ADGRB3: variants seen among roughly 807,000 people sequenced by gnomAD.
The protein encoded by ADGRB3 is adhesion G protein-coupled receptor B3, also known as brain-specific angiogenesis inhibitor 3.
ADGRB3 carries 37 observed loss-of-function variants against 193.4 expected under a neutral mutation model. That is an observed-to-expected ratio of 0.19 (90% CI 0.15 to 0.25). The LOEUF is 0.25. ADGRB3 is among the 10% of genes least tolerant of loss of function. The probability of loss-of-function intolerance (pLI) is 1.00; values close to 1 mark genes in which losing one functional copy is unlikely to be tolerated. For synonymous variants in ADGRB3, 690 were observed against 644.2 expected (o/e 1.07, Z -1.08); for missense variants, 1,637 against 1,852.9 (o/e 0.88, Z 2.14).
At chr6:68,894,755 C>T (rs1002768917) in intron 3 of ADGRB3, among the ~76,000 whole-genome samples, 5 of 151,904 alleles carry the variant, frequency 3.3e-5, no homozygotes, top group Middle Eastern at 3.2e-3. Flanking sequence ...AAGGAACATG[C>T]GGTGAGCCCA....
At chr6:69,129,562 GAC>G (rs1475794324) in intron 17 of ADGRB3, among the ~76,000 whole-genome samples, 1 of 152,052 alleles carries the variant, frequency 6.6e-6, no homozygotes, top group Non-Finnish European at 1.5e-5. Context: ...TAAGTCAATG[GAC>G]TGGGAAGAAT....
chr6:68,661,511 G>A (rs796942367), intron 3 of ADGRB3, among the ~76,000 whole-genome samples: 3 of 64,332 alleles, frequency 4.7e-5, no homozygotes, highest in East Asian at 4.3e-4. Context: ...ACATATATAT[G>A]TGTGTATACA....
intron 20 of ADGRB3, among the ~76,000 whole-genome samples, chr6:69,270,372 G>T (rs1453794109): frequency 1.3e-5 from 2 of 152,112 alleles, no homozygotes; most frequent in African/African-American, 2.4e-5. Flanking sequence ...TATTTGGCCA[G>T]TGTCTCTCAT....
At chr6:68,848,433 T>G (rs962716186) in intron 3 of ADGRB3, among the ~76,000 whole-genome samples, 13 of 152,076 alleles carry the variant, frequency 8.5e-5, no homozygotes, top group African/African-American at 3.1e-4. Flanking sequence ...AAATTTTGAG[T>G]GTTTTCATTT....
intron 29 of ADGRB3, among the ~76,000 whole-genome samples, chr6:69,367,756 C>A (rs1227728955): frequency 2.6e-5 from 4 of 151,848 alleles, no homozygotes; most frequent in African/African-American, 4.8e-5. Context: ...AAATGTCCAA[C>A]AATGATAGAC....
chr6:68,702,881 T>G (rs1765265911), intron 3 of ADGRB3, among the ~76,000 whole-genome samples: 1 of 152,218 alleles, frequency 6.6e-6, no homozygotes. Flanking sequence ...TGCTTTTGTT[T>G]TCTGGATACA....
chr6:69,118,544 A>G (rs544854313), intron 17 of ADGRB3, among the ~76,000 whole-genome samples: 9 of 152,082 alleles, frequency 5.9e-5, no homozygotes, highest in Non-Finnish European at 8.8e-5. Context: ...GTAAGTGTAT[A>G]TGATTGGTGA....
intron 13 of ADGRB3, among the ~76,000 whole-genome samples, chr6:69,034,631 A>G (rs1770811921): frequency 6.7e-6 from 1 of 148,848 alleles, no homozygotes; most frequent in African/African-American, 2.4e-5. Context: ...TATAGCTATA[A>G]ATATATAACT....
At chr6:69,374,252 G>T (rs537773613) in intron 30 of ADGRB3, among the ~76,000 whole-genome samples, 1 of 152,004 alleles carries the variant, frequency 6.6e-6, no homozygotes, top group African/African-American at 2.4e-5. Context: ...CAGATATTTC[G>T]TGGATTGAGT....
intron 17 of ADGRB3, among the ~76,000 whole-genome samples, chr6:69,185,417 A>T (rs1684965916): frequency 6.6e-6 from 1 of 152,198 alleles, no homozygotes; most frequent in Admixed American, 6.5e-5. Flanking sequence ...CATGAAAGAA[A>T]AATGACTGTG....
intron 3 of ADGRB3, among the ~76,000 whole-genome samples, chr6:68,652,224 G>A (rs1193277677): frequency 6.6e-6 from 1 of 152,086 alleles, no homozygotes; most frequent in African/African-American, 2.4e-5. Flanking sequence ...CTGTCTGGTA[G>A]GCATTTGCAA....
chr6:69,370,311 AC>A (rs367819002), intron 29 of ADGRB3, among the ~76,000 whole-genome samples: 50 of 152,180 alleles, frequency 3.3e-4, no homozygotes, highest in African/African-American at 1.1e-3. Context: ...AACCTGAATA[AC>A]TTTACACACA....
At chr6:69,236,340 T>C (rs553072719) in intron 19 of ADGRB3, among the ~76,000 whole-genome samples, 56 of 151,988 alleles carry the variant, frequency 3.7e-4, no homozygotes, top group Non-Finnish European at 6.3e-4. Context: ...AATTATCTAG[T>C]AGTGAGAGAC....
intron 3 of ADGRB3, among the ~76,000 whole-genome samples, chr6:68,787,673 T>G (rs553856318): frequency 6.6e-6 from 1 of 152,196 alleles, no homozygotes; most frequent in Non-Finnish European, 1.5e-5. Context: ...CCTCATAAAA[T>G]GAGTTAGGGA....
At chr6:69,298,486 C>T (rs1416975491) in intron 20 of ADGRB3, among the ~76,000 whole-genome samples, 4 of 151,872 alleles carry the variant, frequency 2.6e-5, no homozygotes, top group African/African-American at 9.7e-5. Context: ...AAATCTTCTT[C>T]CTTCTAACTA....
intron 13 of ADGRB3, among the ~76,000 whole-genome samples, chr6:69,033,998 G>T (rs1378458097): frequency 6.6e-6 from 1 of 151,960 alleles, no homozygotes; most frequent in African/African-American, 2.4e-5. Context: ...TATATATTCT[G>T]AATTCAGACA....
intron 13 of ADGRB3, among the ~76,000 whole-genome samples, chr6:69,022,004 A>T (rs1770285220): frequency 6.6e-6 from 1 of 151,876 alleles, no homozygotes; most frequent in African/African-American, 2.4e-5. Context: ...AAAGATTTCA[A>T]ACCAATGAAT....
rs1170621741 is a variant in ADGRB3, at chr6:68,938,449, T to G, written c.1030+1769T>G. 1.2e-3 allele frequency among the ~76,000 whole-genome samples: 11 copies of G among 9,524 alleles called. 1 individual carries two copies. Among genetic ancestry groups the G allele is most frequent in the African/African-American group, 2.3e-3 (10 of 4,294 alleles). 6.2% of individuals were successfully genotyped at this position (9,524 alleles called of 152,430 possible). On this transcript the variant is annotated intron_variant, in intron 5 of 31. Transcript: ENST00000370598. ...AACATGATATTTTGAGGTATATATATATATATATATATATATATATATGTT... is the reference window on the plus strand; with the variant it reads ...AACATGATATTTTGAGGTATATATAGATATATATATATATATATATATGTT...
chr6:68,722,810 G>A (rs1413742195), intron 3 of ADGRB3, among the ~76,000 whole-genome samples: 1 of 151,318 alleles, frequency 6.6e-6, no homozygotes, highest in African/African-American at 2.4e-5. Flanking sequence ...TTTAGACAGT[G>A]ACTTCATTTT....
Sources: allele counts gnomAD v4.1 joint callset (sites outside exome capture counted in the v4.1 genomes callset), GRCh38; gene constraint gnomAD v4.1.1; transcripts MANE v1.5; gene names NCBI Gene and HGNC (gene_info 2026-07-23, HGNC 2026-07-21).